The following RANBP2 variants were observed in gnomAD, a reference collection of about 807,000 sequenced individuals.
RANBP2 encodes the protein RAN binding protein 2.
In RANBP2, 57 loss-of-function variants were observed where a neutral mutation model predicts 303.6. The observed-to-expected ratio is 0.19, with a 90% CI of 0.15 to 0.23. The LOEUF (loss-of-function observed/expected upper bound fraction) is 0.23. Among genes scored for constraint, RANBP2 ranks in the 10% least tolerant of loss-of-function variants. RANBP2 has a pLI of 1.00. For missense variants in RANBP2, 3,138 were observed against 3,780.8 expected (o/e 0.83, Z 4.46); for synonymous variants, 1,167 against 1,301.5 (o/e 0.90, Z 2.23).
chr2:109,546,245 C>T, the RANBP2 span: 1 of 1,533,896 alleles, frequency 6.5e-7, no homozygotes, highest in Admixed American at 2.1e-5. Context: ...TAGCTGGAAA[C>T]AAAAGTGCAA....
At chr2:109,232,427 G>A in the RANBP2 span, among the ~76,000 whole-genome samples, 6 of 152,194 alleles carry the variant, frequency 3.9e-5, no homozygotes, top group Non-Finnish European at 7.3e-5. Context: ...TAATTTCTCT[G>A]AGCCCTGGTC....
the RANBP2 span, among the ~76,000 whole-genome samples, chr2:109,071,561 C>G: frequency 6.6e-6 from 1 of 152,112 alleles, no homozygotes; most frequent in Admixed American, 6.6e-5. Flanking sequence ...GTAATCCCAG[C>G]TACTCAGGAG....
downstream of RANBP2, among the ~76,000 whole-genome samples, chr2:108,788,579 G>T (rs565331620): frequency 9.1e-4 from 139 of 151,992 alleles, no homozygotes; most frequent in Non-Finnish European, 1.7e-3. Context: ...AATTAGCCGG[G>T]TGTGGTGGCG....
chr2:108,978,511 C>G, the RANBP2 span, among the ~76,000 whole-genome samples: 2 of 152,186 alleles, frequency 1.3e-5, no homozygotes, highest in Non-Finnish European at 2.9e-5. Flanking sequence ...CCGAGGGAGC[C>G]ACGGGCTTAG....
At chr2:108,759,048 A>T (rs826547) in intron 18 of RANBP2, among the ~76,000 whole-genome samples, 48,213 of 142,004 alleles carry the variant, frequency 0.34, 12,203 homozygotes, top group African/African-American at 0.69. Flanking sequence ...GCTGTGTAAG[A>T]TAACCTGTCT....
At chr2:109,056,162 G>A in the RANBP2 span, among the ~76,000 whole-genome samples, 23 of 151,750 alleles carry the variant, frequency 1.5e-4, no homozygotes, top group African/African-American at 5.6e-4. Context: ...GTTTTTAGGG[G>A]GTGGGGGAAG....
At chr2:109,655,526 T>C in the RANBP2 span, among the ~76,000 whole-genome samples, 1 of 152,102 alleles carries the variant, frequency 6.6e-6, no homozygotes, top group Non-Finnish European at 1.5e-5. Flanking sequence ...GGGCAGAGAC[T>C]GGGGAGACTG....
At chr2:109,084,210 A>G in the RANBP2 span, among the ~76,000 whole-genome samples, 1 of 152,212 alleles carries the variant, frequency 6.6e-6, no homozygotes, top group Non-Finnish European at 1.5e-5. Flanking sequence ...CAGAAATTGA[A>G]CTAACTAGGT....
the RANBP2 span, among the ~76,000 whole-genome samples, chr2:109,649,046 T>C: frequency 1.3e-5 from 2 of 152,140 alleles, no homozygotes; most frequent in Admixed American, 6.6e-5. Context: ...CCTGGACCAG[T>C]TGACGGCCTG....
chr2:108,766,332 G>T lies in RANBP2; in HGVS notation c.5793G>T (p.Lys1931Asn), dbSNP rs770939929. The T allele has an allele frequency of 2.5e-6, 4 of 1,611,874 alleles. No homozygotes were observed. The highest frequency in any genetic ancestry group is 3.4e-6 in the Non-Finnish European group (4 of 1,179,868). ...AGGCTCAGGATATTAGTGGCCAGAA[G>T]AATGGCCGTGGTGTGATTTTTGGCC... is the stretch of plus-strand genomic sequence containing the variant. Reference protein sequence around the residue: ...GFQAQDISGQKNGRGVIFGQT... With the variant: ...GFQAQDISGQNNGRGVIFGQT... The change falls in exon 20 of 29, where the codon AAG becomes AAT. Residue 1931 changes from lysine (K) to asparagine (N), a missense_variant. This residue lies in a region of RANBP2 where 348 missense variants were observed against 360.4 expected (regional missense o/e 0.97). Coordinates refer to ENST00000283195, the MANE Select transcript of RANBP2 (RefSeq NM_006267.5).
the RANBP2 span, among the ~76,000 whole-genome samples, chr2:109,158,364 T>TG: frequency 6.6e-6 from 1 of 152,232 alleles, no homozygotes; most frequent in Admixed American, 6.5e-5. Context: ...TCTCTCATCC[T>TG]GGGGAGAATC....
the RANBP2 span, among the ~76,000 whole-genome samples, chr2:109,586,426 CT>C: frequency 0.054 from 8,235 of 152,184 alleles, 682 homozygotes; most frequent in East Asian, 0.24. Flanking sequence ...AAGGCACTCC[CT>C]AGTCATTATG....
the RANBP2 span, among the ~76,000 whole-genome samples, chr2:109,280,008 C>T: frequency 6.6e-6 from 1 of 152,108 alleles, no homozygotes. Flanking sequence ...CTGTGCTGCC[C>T]CAGGGTGGGA....
chr2:109,191,591 ATT>A, the RANBP2 span, among the ~76,000 whole-genome samples: 57 of 152,278 alleles, frequency 3.7e-4, no homozygotes, highest in Middle Eastern at 3.4e-3. Context: ...AGGGGCAGGC[ATT>A]TCCCACCCTT....
the RANBP2 span, among the ~76,000 whole-genome samples, chr2:109,516,704 G>A: frequency 1.3e-5 from 2 of 152,266 alleles, no homozygotes; most frequent in Non-Finnish European, 1.5e-5. Context: ...CGTGTGAGGC[G>A]CAGGTAACTG....
chr2:109,545,068 A>C, the RANBP2 span: 1 of 985,302 alleles, frequency 1.0e-6, no homozygotes, highest in Non-Finnish European at 1.2e-6. Context: ...TTTAAAGTTG[A>C]GTTGCAATAT....
At chr2:108,738,231 A>G (rs936190550) in intron 6 of RANBP2, among the ~76,000 whole-genome samples, 2 of 149,870 alleles carry the variant, frequency 1.3e-5, no homozygotes, top group Non-Finnish European at 3.0e-5. Flanking sequence ...GCCCGCCACC[A>G]CACCCAGCTA....
chr2:109,450,124 T>C, the RANBP2 span, among the ~76,000 whole-genome samples: 1 of 152,148 alleles, frequency 6.6e-6, no homozygotes, highest in South Asian at 2.1e-4. Context: ...GGCGGGCGGA[T>C]CACCTGAGGT....
the RANBP2 span, among the ~76,000 whole-genome samples, chr2:109,284,706 C>G: frequency 1.3e-5 from 2 of 152,150 alleles, no homozygotes; most frequent in Admixed American, 1.3e-4. Context: ...CAGTCTAGGC[C>G]AGGCAGATCA....
Sources: gnomAD v4.1 joint callset for allele counts (sites outside exome capture counted in the v4.1 genomes callset) on GRCh38, gnomAD v4.1.1 for gene constraint, gnomAD v4.1.1 regional missense constraint, MANE v1.5 for transcripts, NCBI Gene and HGNC (gene_info 2026-07-23, HGNC 2026-07-21) for gene names.